Variants in CAMK1D observed in about 807,000 individuals in gnomAD.
The protein encoded by CAMK1D is calcium/calmodulin-dependent protein kinase type 1D.
Under a neutral mutation model 47.7 loss-of-function variants are expected in CAMK1D, and 9 were observed. The ratio of observed to expected loss-of-function variants is 0.19; its 90% CI spans 0.11 to 0.33. CAMK1D has a LOEUF of 0.33. Among genes scored for constraint, CAMK1D ranks in the 10% least tolerant of loss-of-function variants. The probability of loss-of-function intolerance (pLI) is 1.00; values close to 1 mark genes in which losing one functional copy is unlikely to be tolerated. For synonymous variants in CAMK1D, 184 were observed against 184.9 expected (o/e 0.99, Z 0.04); for missense variants, 291 against 488.7 (o/e 0.60, Z 3.81).
At chr10:12,691,731 A>G (rs541351094) in intron 3 of CAMK1D, among the ~76,000 whole-genome samples, 6 of 151,998 alleles carry the variant, frequency 3.9e-5, no homozygotes, top group Non-Finnish European at 8.8e-5. Flanking sequence ...GATTACAAGC[A>G]TGAGCCACCG....
rs189208149 is a variant in CAMK1D at position 12,550,397 on chromosome 10, C to T, written c.93-2828C>T. Among the ~76,000 whole-genome samples the T allele has an allele frequency of 1.1e-4, 17 of 152,324 alleles. No homozygotes were observed. In the East Asian group the frequency reaches 1.5e-3, roughly 14 times the overall value. On this transcript the variant is annotated intron_variant, in intron 1 of 10. Transcript: ENST00000619168. ...TCCCGGAGGGTAGTGAGGGGGAACACGTACCTCCTCATTCAGGGTCTTGAC... is the reference window on the plus strand; with the variant it reads ...TCCCGGAGGGTAGTGAGGGGGAACATGTACCTCCTCATTCAGGGTCTTGAC...
intron 3 of CAMK1D, among the ~76,000 whole-genome samples, chr10:12,709,651 G>A (rs896644288): frequency 6.6e-6 from 1 of 152,134 alleles, no homozygotes; most frequent in Non-Finnish European, 1.5e-5. Flanking sequence ...TCTGTCACCC[G>A]ATATCTTGTA....
chr10:12,774,979 GT>G (rs566689934), intron 5 of CAMK1D, among the ~76,000 whole-genome samples: 152 of 152,376 alleles, frequency 1.0e-3, no homozygotes, highest in Middle Eastern at 3.4e-3. Context: ...AGGATAGATG[GT>G]GGGGGTAGGG....
chr10:12,475,204 C>G (rs1159644200), intron 1 of CAMK1D, among the ~76,000 whole-genome samples: 1 of 152,082 alleles, frequency 6.6e-6, no homozygotes, highest in Non-Finnish European at 1.5e-5. Flanking sequence ...ATTGCGCAAC[C>G]ATCACCACCA....
At chr10:12,493,119 C>T (rs1464473446) in intron 1 of CAMK1D, among the ~76,000 whole-genome samples, 1 of 152,218 alleles carries the variant, frequency 6.6e-6, no homozygotes, top group East Asian at 1.9e-4. Context: ...CAAATCTTTT[C>T]ATGACACGGT....
At chr10:12,646,731 A>T (rs1839820681) in intron 2 of CAMK1D, among the ~76,000 whole-genome samples, 1 of 152,252 alleles carries the variant, frequency 6.6e-6, no homozygotes, top group South Asian at 2.1e-4. Context: ...GGACTGAACA[A>T]GAAAAGAAAT....
chr10:12,731,271 T>A (rs1310090738), intron 3 of CAMK1D, among the ~76,000 whole-genome samples: 2 of 152,108 alleles, frequency 1.3e-5, no homozygotes, highest in Non-Finnish European at 2.9e-5. Flanking sequence ...AGGGAGAGAA[T>A]GTGGAGTAAC....
intron 3 of CAMK1D, among the ~76,000 whole-genome samples, chr10:12,675,994 C>T (rs1182668625): frequency 6.6e-6 from 1 of 152,046 alleles, no homozygotes; most frequent in Non-Finnish European, 1.5e-5. Context: ...CTCTTGTTGC[C>T]CAGGCTGGAG....
At chr10:12,605,149 G>A (rs1025133150) in intron 2 of CAMK1D, among the ~76,000 whole-genome samples, 2 of 152,110 alleles carry the variant, frequency 1.3e-5, no homozygotes, top group Admixed American at 1.3e-4. Flanking sequence ...GCCTCCCAAA[G>A]TGCTGGGATT....
intron 2 of CAMK1D, among the ~76,000 whole-genome samples, chr10:12,615,489 T>A (rs1025330285): frequency 2.0e-5 from 3 of 151,104 alleles, no homozygotes; most frequent in Admixed American, 6.6e-5. Flanking sequence ...TGTAGGTGTG[T>A]GCATGTGTAC....
intron 1 of CAMK1D, among the ~76,000 whole-genome samples, chr10:12,532,263 C>A (rs1016706929): frequency 1.3e-5 from 2 of 151,854 alleles, no homozygotes; most frequent in African/African-American, 4.8e-5. Flanking sequence ...CCACAAGAGT[C>A]CTGTTTATCT....
At chr10:12,511,352 G>A (rs1835033032) in intron 1 of CAMK1D, among the ~76,000 whole-genome samples, 1 of 152,146 alleles carries the variant, frequency 6.6e-6, no homozygotes, top group Non-Finnish European at 1.5e-5. Context: ...TGGAATCCCA[G>A]CACTTTGGGA....
At chr10:12,672,834 T>C (rs1442145233) in intron 3 of CAMK1D, among the ~76,000 whole-genome samples, 1 of 151,516 alleles carries the variant, frequency 6.6e-6, no homozygotes, top group African/African-American at 2.4e-5. Flanking sequence ...GTTTTTTCCT[T>C]AAAATAGCTT....
At chr10:12,641,307 A>G (rs1428524707) in intron 2 of CAMK1D, among the ~76,000 whole-genome samples, 1 of 152,172 alleles carries the variant, frequency 6.6e-6, no homozygotes, top group Non-Finnish European at 1.5e-5. Context: ...GACTTTTTAA[A>G]AAATTAGTGA....
At chr10:12,518,903 G>A (rs191576008) in intron 1 of CAMK1D, among the ~76,000 whole-genome samples, 1,751 of 129,494 alleles carry the variant, frequency 0.014, 31 homozygotes, top group East Asian at 0.03. Context: ...ACACAGACCC[G>A]GCAACCATCC....
In CAMK1D at chr10:12,419,595, G is replaced by A. The variant is rs77604967; in HGVS notation, c.92+69685G>A. Among the ~76,000 whole-genome samples the A allele has an allele frequency of 4.3e-3, 652 of 150,920 alleles. 4 individuals carry two copies. The highest frequency in any genetic ancestry group is 0.015 in the African/African-American group (629 of 41,078). ...TCCCCACCGGGCCTCAGTGGATTCTGAATGAAGCCAGAAAGTGATTCAGTC... is the reference window on the plus strand; with the variant it reads ...TCCCCACCGGGCCTCAGTGGATTCTAAATGAAGCCAGAAAGTGATTCAGTC... On this transcript the variant is annotated intron_variant, in intron 1 of 10. Coordinates refer to ENST00000619168, the MANE Select transcript of CAMK1D (RefSeq NM_153498.4).
chr10:12,742,898 C>T (rs528954154), intron 3 of CAMK1D, among the ~76,000 whole-genome samples: 5 of 152,160 alleles, frequency 3.3e-5, no homozygotes, highest in Admixed American at 6.5e-5. Flanking sequence ...GCGTCAGAGA[C>T]GGGGACTGTT....
intron 2 of CAMK1D, among the ~76,000 whole-genome samples, chr10:12,571,289 A>C (rs534631386): frequency 1.3e-5 from 2 of 152,008 alleles, no homozygotes; most frequent in Admixed American, 1.3e-4. Context: ...CTATGAGGAA[A>C]ATACAAAAAA....
chr10:12,387,049 A>G (rs970322180), intron 1 of CAMK1D, among the ~76,000 whole-genome samples: 4 of 151,428 alleles, frequency 2.6e-5, no homozygotes, highest in Non-Finnish European at 5.9e-5. Flanking sequence ...TAAAAATACA[A>G]AAAAATTAGC....
Sources: allele counts gnomAD v4.1 joint callset (sites outside exome capture counted in the v4.1 genomes callset), GRCh38; gene constraint gnomAD v4.1.1; transcripts MANE v1.5; gene names NCBI Gene and HGNC (gene_info 2026-07-23, HGNC 2026-07-21).